Variants in PKHD1 observed in about 807,000 individuals in gnomAD.
PKHD1 encodes the protein PKHD1 ciliary IPT domain containing fibrocystin/polyductin, also known as fibrocystin.
A neutral mutation model predicts 412.0 loss-of-function variants in PKHD1; 291 were observed. The ratio of observed to expected loss-of-function variants is 0.71; its 90% CI spans 0.64 to 0.78. The LOEUF (loss-of-function observed/expected upper bound fraction) is 0.78. Ranked by LOEUF, PKHD1 falls within the 30% of genes least tolerant of loss-of-function variation. The pLI is 0.00. For missense variants in PKHD1, 4,825 were observed against 4,950.7 expected (o/e 0.97, Z 0.76); for synonymous variants, 1,777 against 1,821.5 (o/e 0.98, Z 0.62).
In PKHD1 at chr6:51,732,902, T is replaced by C. The variant is rs190110437; in HGVS notation, c.10156+11483A>G. On this transcript the variant is annotated intron_variant, in intron 60 of 66. Coordinates refer to ENST00000371117, the MANE Select transcript of PKHD1 (RefSeq NM_138694.4). Reference sequence around the variant, plus strand: ...AGCATTCCAGGTGTCCATGGGTGGATGAATGGATAAGCAAAATGTGGTAAG... The same window carrying C: ...AGCATTCCAGGTGTCCATGGGTGGACGAATGGATAAGCAAAATGTGGTAAG... Among the ~76,000 whole-genome samples, 14 of 152,250 alleles carry C rather than the reference T, an allele frequency of 9.2e-5. No individual in the cohort carries two copies. The East Asian group carries it at 2.5e-3, about 27-fold the overall frequency.
chr6:51,618,927 G>T lies in PKHD1; in HGVS notation c.*154C>A, dbSNP rs1036832833. 1 of 736,298 alleles carries T rather than the reference G, an allele frequency of 1.4e-6. No homozygotes were observed. Among genetic ancestry groups the T allele is most frequent in the African/African-American group, 1.7e-5 (1 of 57,724 alleles). 45.6% of individuals were successfully genotyped at this position (736,298 alleles called of 1,614,324 possible). On this transcript the variant is annotated 3_prime_UTR_variant, in exon 67 of 67. Transcript: ENST00000371117. ...TTTTTCAGTCTGTAAGCATTTATAT[G>T]ACTGTTTTCCATTTTAAAGTTGAAA... is the stretch of plus-strand genomic sequence containing the variant.
intron 52 of PKHD1, among the ~76,000 whole-genome samples, chr6:51,807,158 T>C (rs1454855736): frequency 6.6e-6 from 1 of 151,642 alleles, no homozygotes; most frequent in Non-Finnish European, 1.5e-5. Context: ...CCAGGCATGG[T>C]GACTCATGCC....
At chr6:51,743,920 G>GA (rs777011834) in intron 60 of PKHD1, among the ~76,000 whole-genome samples, 30 of 152,190 alleles carry the variant, frequency 2.0e-4, no homozygotes, top group Non-Finnish European at 4.0e-4. Flanking sequence ...TTGTTTGGGG[G>GA]AGAGTTGGAG....
chr6:52,046,865 A>G (rs930056779), intron 23 of PKHD1, among the ~76,000 whole-genome samples: 3 of 152,246 alleles, frequency 2.0e-5, no homozygotes, highest in Non-Finnish European at 4.4e-5. Context: ...AGGGATGAAG[A>G]AAATGAAACC....
Position 51,748,017 on chromosome 6 carries a change from A to C in PKHD1, c.9599T>G (p.Leu3200Arg). ...QNSVKKVQIV[L>R]RNSVIVATSS... ...GGTGGCCACAATGACTGAATTCCTA[A>C]GCACAATCTGCACTTTTTTGACGGA... Residue 3200 changes from leucine to arginine, a missense_variant, in exon 58 of 67, where the codon CTT becomes CGT. Physicochemically the swap from Leu to Arg is moderately radical, Grantham distance 102. Coordinates refer to ENST00000371117, the MANE Select transcript of PKHD1 (RefSeq NM_138694.4). 1 of 1,614,106 alleles carries C rather than the reference A, an allele frequency of 6.2e-7. No homozygotes were observed. The highest frequency in any genetic ancestry group is 8.5e-7 in the Non-Finnish European group (1 of 1,179,984).
chr6:51,934,241 C>A lies in PKHD1; in HGVS notation c.5990G>T (p.Arg1997Leu). 1 of 1,613,866 alleles carries A rather than the reference C, an allele frequency of 6.2e-7. No individual in the cohort carries two copies. The highest frequency in any genetic ancestry group is 8.5e-7 in the Non-Finnish European group (1 of 1,179,912). Reference sequence around the variant, plus strand: ...GAAGGGCTTGTCTTCGGATCCAATCCGGAGCTCTCCACCATCAGAAACAAG... The same window carrying A: ...GAAGGGCTTGTCTTCGGATCCAATCAGGAGCTCTCCACCATCAGAAACAAG... ...AILVSDGGEL[R>L]IGSEDKPFQG... Residue 1997 changes from arginine to leucine, a missense_variant, in exon 37 of 67, where the codon CGG (arginine) becomes CTG (leucine). By Grantham distance (102) the Arg-to-Leu change is moderately radical. Coordinates refer to ENST00000371117, the MANE Select transcript of PKHD1 (RefSeq NM_138694.4).
Position 52,025,907 on chromosome 6 carries a change from TG to T in PKHD1, c.3902del (p.Pro1301GlnfsTer2). ...FTFMYEAAAT[P>X]VVTAMQGEIT... The stretch of plus-strand genomic sequence containing the variant: ...TTTCTCCTTGCATGGCAGTGACTAC[TG>T]GTGTTGCTGCCGCTTCATACATGAA... On this transcript the variant is annotated frameshift_variant, in exon 32 of 67. Coordinates refer to ENST00000371117, the MANE Select transcript of PKHD1 (RefSeq NM_138694.4). LOFTEE classifies it high-confidence loss of function. The T allele has an allele frequency of 6.2e-7, 1 of 1,614,166 alleles. No homozygotes were observed. The highest frequency in any genetic ancestry group is 8.5e-7 in the Non-Finnish European group (1 of 1,180,040).
intron 52 of PKHD1, among the ~76,000 whole-genome samples, chr6:51,808,685 T>C (rs1422748265): frequency 6.6e-6 from 1 of 152,122 alleles, no homozygotes; most frequent in Non-Finnish European, 1.5e-5. Flanking sequence ...TAATGTCCCT[T>C]AATTTACATT....
chr6:51,899,002 T>G (rs372366443), intron 43 of PKHD1, among the ~76,000 whole-genome samples: 16 of 151,580 alleles, frequency 1.1e-4, no homozygotes, highest in South Asian at 1.0e-3. Flanking sequence ...AATAACAGGA[T>G]CTGAAATTGT....
intron 60 of PKHD1, among the ~76,000 whole-genome samples, chr6:51,704,407 T>C (rs957459170): frequency 6.6e-6 from 1 of 152,116 alleles, no homozygotes; most frequent in African/African-American, 2.4e-5. Context: ...ACAAGTTTTA[T>C]ACAGACACTT....
intron 35 of PKHD1, among the ~76,000 whole-genome samples, chr6:52,006,877 G>T (rs1799149901): frequency 6.6e-6 from 1 of 152,030 alleles, no homozygotes; most frequent in Admixed American, 6.6e-5. Context: ...AAAGTCCATT[G>T]TATCATTCTT....
intron 35 of PKHD1, among the ~76,000 whole-genome samples, chr6:51,969,124 C>CA (rs1172800018): frequency 1.3e-5 from 2 of 152,204 alleles, no homozygotes; most frequent in African/African-American, 4.8e-5. Context: ...GAGATTCTCC[C>CA]ACTGGCCTTG....
intron 58 of PKHD1, 23 bp from the exon 59 acceptor site, chr6:51,746,912 C>T (rs753500748): frequency 1.5e-6 from 2 of 1,375,560 alleles, no homozygotes; most frequent in Non-Finnish European, 2.0e-6. Context: ...AAATATGTAT[C>T]ATAATATTAT....
chr6:51,685,812 G>GA (rs889434918), intron 60 of PKHD1, among the ~76,000 whole-genome samples: 1 of 152,084 alleles, frequency 6.6e-6, no homozygotes, highest in African/African-American at 2.4e-5. Context: ...GGACTTGGTA[G>GA]AAAAAATGGT....
At chr6:51,782,920 G>A (rs1368650931) in intron 53 of PKHD1, among the ~76,000 whole-genome samples, 2 of 152,070 alleles carry the variant, frequency 1.3e-5, no homozygotes, top group African/African-American at 4.8e-5. Flanking sequence ...AGTTTGAAAG[G>A]CAATAAACTG....
chr6:52,009,368 G>T (rs1033161069), intron 35 of PKHD1, among the ~76,000 whole-genome samples: 1 of 152,184 alleles, frequency 6.6e-6, no homozygotes, highest in Non-Finnish European at 1.5e-5. Flanking sequence ...AAAAGTTATA[G>T]AAGAACACAC....
chr6:51,790,838 T>C (rs1793618784), intron 53 of PKHD1, among the ~76,000 whole-genome samples: 1 of 152,188 alleles, frequency 6.6e-6, no homozygotes, highest in East Asian at 1.9e-4. Flanking sequence ...AAGACAACAA[T>C]TGAAATTTTA....
Position 52,028,305 on chromosome 6 carries a change from C to T in PKHD1, c.3411G>A (p.Thr1137=), listed in dbSNP as rs138350291. Residue 1137 remains threonine, a synonymous_variant, in exon 30 of 67, where the codon ACG becomes ACA. Coordinates refer to ENST00000371117, the MANE Select transcript of PKHD1 (RefSeq NM_138694.4). ...VIGVARLMNY[T]DLDVEVHVQD... ...GGACGTGGACTTCCACATCCAAATC[C>T]GTATAGTTCATCAGCCTCGCCACTC... 132 of 1,614,038 alleles carry T rather than the reference C, an allele frequency of 8.2e-5. 2 individuals are homozygous for T. The African/African-American group carries it at 1.5e-3, about 18-fold the overall frequency.
intron 37 of PKHD1, among the ~76,000 whole-genome samples, chr6:51,927,887 G>A (rs1014227304): frequency 2.4e-4 from 36 of 151,894 alleles, no homozygotes; most frequent in African/African-American, 8.7e-4. Context: ...GGATGCTAAC[G>A]GATTGAAAAC....
Sources: gnomAD v4.1 joint callset for allele counts (sites outside exome capture counted in the v4.1 genomes callset) on GRCh38, gnomAD v4.1.1 for gene constraint, MANE v1.5 for transcripts, NCBI Gene and HGNC (gene_info 2026-07-23, HGNC 2026-07-21) for gene names.